RAB11FIP4: variants seen among roughly 807,000 people sequenced by gnomAD.
RAB11FIP4 encodes rab11 family-interacting protein 4.
RAB11FIP4 carries 23 observed loss-of-function variants against 74.3 expected under a neutral mutation model. The ratio of observed to expected loss-of-function variants is 0.31; its 90% CI spans 0.22 to 0.44. The LOEUF (loss-of-function observed/expected upper bound fraction) is 0.44. RAB11FIP4 is among the 20% of genes least tolerant of loss of function. The probability of loss-of-function intolerance (pLI) is 1.00; values close to 1 mark genes in which losing one functional copy is unlikely to be tolerated. For synonymous variants in RAB11FIP4, 360 were observed against 359.9 expected, an observed-to-expected ratio of 1.00 and a Z score of 0.00; for missense variants, 630 against 863.9, an observed-to-expected ratio of 0.73 and a Z score of 3.39.
Position 31,536,860 on chromosome 17 carries a change from C to T in RAB11FIP4, c.*5128C>T, listed in dbSNP as rs1551359. 266,769 of 397,386 alleles carry T rather than the reference C, an allele frequency of 0.67. 90,082 individuals are homozygous for T. The highest frequency in any genetic ancestry group is 0.78 in the East Asian group (22,009 of 28,054). The allele number at this position is 397,386 out of a possible 1,614,324, so 24.6% of individuals were successfully genotyped here. On this transcript the variant is annotated 3_prime_UTR_variant, in exon 15 of 15. Transcript: ENST00000621161. ...TTCTAGAAAGATTTGTTTCTAAAAG[C>T]GTAGACCCTGGGGAAGTATAATGTC...
intron 3 of RAB11FIP4, among the ~76,000 whole-genome samples, chr17:31,505,644 T>TA (rs1275103953): frequency 3.2e-5 from 3 of 94,204 alleles, no homozygotes; most frequent in East Asian, 2.2e-4. Context: ...ATAATAATTA[T>TA]ATATAATATA....
At chr17:31,419,330 C>G (rs1372737174) in intron 1 of RAB11FIP4, among the ~76,000 whole-genome samples, 10 of 150,436 alleles carry the variant, frequency 6.6e-5, no homozygotes, top group Non-Finnish European at 1.3e-4. Flanking sequence ...AATTTTGCCA[C>G]TTGATTTCTC....
At chr17:31,420,030 G>A (rs1440542552) in intron 1 of RAB11FIP4, among the ~76,000 whole-genome samples, 1 of 152,070 alleles carries the variant, frequency 6.6e-6, no homozygotes, top group African/African-American at 2.4e-5. Context: ...CTTTTTGGAA[G>A]GATATAAATT....
At chr17:31,507,595 G>A (rs1170694351) in intron 3 of RAB11FIP4, among the ~76,000 whole-genome samples, 1 of 152,110 alleles carries the variant, frequency 6.6e-6, no homozygotes, top group Non-Finnish European at 1.5e-5. Flanking sequence ...CTGGCTATCA[G>A]TCATCTGTCC....
intron 3 of RAB11FIP4, among the ~76,000 whole-genome samples, chr17:31,445,102 A>G (rs537674672): frequency 3.2e-4 from 48 of 152,304 alleles, no homozygotes; most frequent in African/African-American, 9.6e-4. Context: ...CATCCAGTTT[A>G]TAAACCTCTG....
In RAB11FIP4 at chr17:31,534,021, A is replaced by C. The variant is rs561615739; in HGVS notation, c.*2289A>C. On this transcript the variant is annotated 3_prime_UTR_variant, in exon 15 of 15. Transcript: ENST00000621161. ...TTTAAAGATGGTGTATGTTTGTAAA[A>C]ATATTCTTCTGGGCTCAAAAGCTAG... 2 of 152,324 alleles carry C rather than the reference A, an allele frequency of 1.3e-5. No homozygotes were observed. Among genetic ancestry groups the C allele is most frequent in the South Asian group, 4.1e-4 (2 of 4,826 alleles). 9.4% of individuals were successfully genotyped at this position (152,324 alleles called of 1,614,324 possible).
intron 3 of RAB11FIP4, among the ~76,000 whole-genome samples, chr17:31,442,707 C>T (rs1270938976): frequency 1.3e-5 from 2 of 152,146 alleles, no homozygotes; most frequent in Admixed American, 1.3e-4. Flanking sequence ...TGCCTGTAAT[C>T]CCAGCACTTT....
intron 3 of RAB11FIP4, among the ~76,000 whole-genome samples, chr17:31,491,616 A>G (rs1313435995): frequency 6.6e-6 from 1 of 152,200 alleles, no homozygotes; most frequent in Non-Finnish European, 1.5e-5. Context: ...CCACAGAACT[A>G]CAAGACAGGA....
intron 1 of RAB11FIP4, among the ~76,000 whole-genome samples, chr17:31,418,162 C>G (rs557342023): frequency 6.6e-6 from 1 of 151,994 alleles, no homozygotes; most frequent in African/African-American, 2.4e-5. Context: ...ACAAGGCGGG[C>G]GGATCACCTG....
chr17:31,511,639 G>T (rs1210780945), intron 3 of RAB11FIP4, among the ~76,000 whole-genome samples: 1 of 152,254 alleles, frequency 6.6e-6, no homozygotes, highest in Non-Finnish European at 1.5e-5. Context: ...CTGTGTGTCA[G>T]CTCAGGGAAA....
chr17:31,520,535 T>C (rs1317505816), intron 4 of RAB11FIP4, among the ~76,000 whole-genome samples: 3 of 152,150 alleles, frequency 2.0e-5, no homozygotes, highest in African/African-American at 4.8e-5. Context: ...TGAGACGGAG[T>C]CTCCCTCTGT....
chr17:31,527,628 A>AGTGTC, intron 10 of RAB11FIP4: 1 of 417,628 alleles, frequency 2.4e-6, no homozygotes, highest in Non-Finnish European at 4.0e-6. Flanking sequence ...ATGATAATTT[A>AGTGTC]CTATTTTGCT....
At chr17:31,482,578 G>A (rs1483386655) in intron 3 of RAB11FIP4, among the ~76,000 whole-genome samples, 1 of 150,686 alleles carries the variant, frequency 6.6e-6, no homozygotes, top group Non-Finnish European at 1.5e-5. Flanking sequence ...GCGACAGAGG[G>A]AGACTCTAAA....
intron 3 of RAB11FIP4, among the ~76,000 whole-genome samples, chr17:31,454,144 C>G (rs373120064): frequency 6.6e-6 from 1 of 152,170 alleles, no homozygotes; most frequent in African/African-American, 2.4e-5. Flanking sequence ...CCACACCTGC[C>G]GAGCCAGAGG....
At chr17:31,511,488 C>T (rs752206842) in intron 3 of RAB11FIP4, among the ~76,000 whole-genome samples, 1 of 152,212 alleles carries the variant, frequency 6.6e-6, no homozygotes, top group African/African-American at 2.4e-5. Flanking sequence ...TACTGCAGTA[C>T]AGTATGGTTC....
At chr17:31,464,217 G>C (rs2071662095) in intron 3 of RAB11FIP4, among the ~76,000 whole-genome samples, 1 of 151,584 alleles carries the variant, frequency 6.6e-6, no homozygotes, top group African/African-American at 2.4e-5. Flanking sequence ...TCAGTGTGGG[G>C]GACCCCCCCA....
At chr17:31,459,500 A>ATTG (rs1240863204) in intron 3 of RAB11FIP4, among the ~76,000 whole-genome samples, 2 of 151,790 alleles carry the variant, frequency 1.3e-5, no homozygotes, top group African/African-American at 2.4e-5. Context: ...TATTATTATT[A>ATTG]TTATTTAACA....
At chr17:31,488,440 G>T in intron 3 of RAB11FIP4, 1 of 740,308 alleles carries the variant, frequency 1.4e-6, no homozygotes, top group Non-Finnish European at 1.7e-6. Flanking sequence ...CAGGTGCGCG[G>T]GTGGCGGCTC....
intron 1 of RAB11FIP4, among the ~76,000 whole-genome samples, chr17:31,411,935 G>C (rs1183797041): frequency 6.6e-6 from 1 of 152,262 alleles, no homozygotes; most frequent in African/African-American, 2.4e-5. Flanking sequence ...CATCGTCCTT[G>C]CCTCAGTCGG....
Sources: gnomAD v4.1 joint callset for allele counts (sites outside exome capture counted in the v4.1 genomes callset) on GRCh38, gnomAD v4.1.1 for gene constraint, MANE v1.5 for transcripts, NCBI Gene and HGNC (gene_info 2026-07-23, HGNC 2026-07-21) for gene names.